WWC2: variants seen among roughly 807,000 people sequenced by gnomAD.
WWC2 encodes WW and C2 domain containing 2, also known as protein WWC2.
WWC2 carries 101 observed loss-of-function variants against 138.5 expected under a neutral mutation model. The ratio of observed to expected loss-of-function variants is 0.73; its 90% CI spans 0.62 to 0.86. The LOEUF (loss-of-function observed/expected upper bound fraction) is 0.86. Ranked by LOEUF, WWC2 falls within the 40% of genes least tolerant of loss-of-function variation. WWC2 has a pLI of 0.00. For missense variants in WWC2, 1,420 were observed against 1,419.4 expected (o/e 1.00, Z -0.01); for synonymous variants, 558 against 538.4 (o/e 1.04, Z -0.50).
chr4:183,232,106 G>A (rs1325050832), intron 4 of WWC2, among the ~76,000 whole-genome samples: 4 of 152,112 alleles, frequency 2.6e-5, no homozygotes, highest in Admixed American at 6.5e-5. Flanking sequence ...ATCTGAAATG[G>A]GAAGCCATTT....
chr4:183,208,782 T>G (rs1405799103), intron 3 of WWC2, among the ~76,000 whole-genome samples, 167 bp from the exon 4 acceptor site: 1 of 152,210 alleles, frequency 6.6e-6, no homozygotes, highest in Non-Finnish European at 1.5e-5. Context: ...GGTAGAGGTT[T>G]GAAGATAACT....
chr4:183,307,965 A>G (rs1739078602), intron 21 of WWC2, among the ~76,000 whole-genome samples: 1 of 152,350 alleles, frequency 6.6e-6, no homozygotes, highest in South Asian at 2.1e-4. Flanking sequence ...AGGCAACCTG[A>G]AAGATTTGAC....
rs1373275941 is a variant in WWC2, at chr4:183,317,560, A to T, written c.*1831A>T. On this transcript the variant is annotated 3_prime_UTR_variant, in exon 23 of 23. Transcript: ENST00000403733. ...GTTTATTTAATGTAGAGGTAAATGAAGGTGAGCTGTTTTCAGCATCTTAGT... is the reference window on the plus strand; with the variant it reads ...GTTTATTTAATGTAGAGGTAAATGATGGTGAGCTGTTTTCAGCATCTTAGT... The T allele has an allele frequency of 6.6e-6, 1 of 152,656 alleles. No homozygotes were observed. Among genetic ancestry groups the T allele is most frequent in the Non-Finnish European group, 1.5e-5 (1 of 68,026 alleles). 9.5% of individuals were successfully genotyped at this position (152,656 alleles called of 1,614,324 possible).
At chr4:183,291,773 T>C (rs1738459775) in intron 21 of WWC2, among the ~76,000 whole-genome samples, 1 of 152,178 alleles carries the variant, frequency 6.6e-6, no homozygotes, top group Admixed American at 6.5e-5. Context: ...TTTTGACTGC[T>C]ATCTAATCTC....
At chr4:183,211,612 GT>G (rs1393055774) in intron 4 of WWC2, among the ~76,000 whole-genome samples, 1 of 152,052 alleles carries the variant, frequency 6.6e-6, no homozygotes. Flanking sequence ...CTCTTGAGGT[GT>G]TTTACCAGGG....
chr4:183,284,542 C>A (rs756611292), intron 19 of WWC2, among the ~76,000 whole-genome samples, 152 bp downstream of exon 19: 1 of 152,202 alleles, frequency 6.6e-6, no homozygotes, highest in Non-Finnish European at 1.5e-5. Flanking sequence ...TAGAATATCA[C>A]GTGCTTATGG....
intron 9 of WWC2, among the ~76,000 whole-genome samples, chr4:183,255,138 A>G (rs1737094920): frequency 6.6e-6 from 1 of 152,206 alleles, no homozygotes; most frequent in South Asian, 2.1e-4. Context: ...AAAACGTATC[A>G]AAAGGAAAAG....
At chr4:183,154,026 A>AAAAAAAAAAAAC (rs1561438959) in intron 1 of WWC2, among the ~76,000 whole-genome samples, 1 of 145,596 alleles carries the variant, frequency 6.9e-6, no homozygotes. Context: ...AAAAAAAAAA[A>AAAAAAAAAAAAC]AACCCCAAAT....
chr4:183,119,698 T>G (rs1263597331), intron 1 of WWC2, among the ~76,000 whole-genome samples: 1 of 152,230 alleles, frequency 6.6e-6, no homozygotes, highest in Non-Finnish European at 1.5e-5. Context: ...AAAACACAGA[T>G]ATAACTTAGG....
chr4:183,284,421 G>A, intron 19 of WWC2, 31 bp downstream of exon 19: 1 of 1,600,810 alleles, frequency 6.2e-7, no homozygotes, highest in Non-Finnish European at 8.5e-7. Flanking sequence ...GTGAGGCGCT[G>A]GGACTGCAGC....
chr4:183,099,404 G>A lies in WWC2; in HGVS notation c.-88G>A. On this transcript the variant is annotated 5_prime_UTR_variant, in exon 1 of 23. Transcript: ENST00000403733. ...CCCCTCGCCGGCGCCCGCGTCGCGG[G>A]TTGGCAGCCTAGCCCGGCAGCCGCG... 8.6e-7 allele frequency: 1 copy of A among 1,163,350 alleles called. No individual in the cohort carries two copies. The highest frequency in any genetic ancestry group is 1.1e-6 in the Non-Finnish European group (1 of 939,154). The allele number at this position is 1,163,350 out of a possible 1,614,324, so 72.1% of individuals were successfully genotyped here. A position where few individuals can be genotyped will look rare whatever the true frequency, so the allele number is the denominator to read the frequency against.
intron 4 of WWC2, among the ~76,000 whole-genome samples, chr4:183,239,932 A>G (rs1736563000): frequency 6.6e-6 from 1 of 152,218 alleles, no homozygotes; most frequent in Admixed American, 6.5e-5. Context: ...GATGATGTCC[A>G]GCTCATAAGA....
chr4:183,119,559 C>T (rs1410883730), intron 1 of WWC2, among the ~76,000 whole-genome samples: 2 of 152,158 alleles, frequency 1.3e-5, no homozygotes, highest in East Asian at 1.9e-4. Context: ...AGCCCCTCCT[C>T]ATATTTACTT....
intron 4 of WWC2, among the ~76,000 whole-genome samples, chr4:183,214,636 T>C (rs1735700509): frequency 6.6e-6 from 1 of 151,744 alleles, no homozygotes; most frequent in South Asian, 2.1e-4. Context: ...CTACTAAAAA[T>C]ACAAAATTAG....
At chr4:183,257,081 G>A (rs990374753) in intron 9 of WWC2, among the ~76,000 whole-genome samples, 6 of 152,182 alleles carry the variant, frequency 3.9e-5, no homozygotes, top group African/African-American at 7.2e-5. Context: ...TGCATCTTTC[G>A]TATTCTTCCC....
intron 1 of WWC2, among the ~76,000 whole-genome samples, chr4:183,157,811 AT>A (rs540177133): frequency 0.12 from 2,079 of 17,944 alleles, 49 homozygotes; most frequent in African/African-American, 0.26. Flanking sequence ...GTGTCACTTA[AT>A]TTTTTTTTTT....
chr4:183,269,132 C>T lies in WWC2; in HGVS notation c.2369C>T (p.Ser790Phe), dbSNP rs1237914404. The change falls in exon 15 of 23, where the codon TCT becomes TTT. Residue 790 changes from serine to phenylalanine, a missense_variant. Physicochemically the swap from Ser to Phe is radical, Grantham distance 155. Transcript: ENST00000403733. ...QQKTLRVDLC[S>F]VSKHRREECL... ...AAGACACTGAGGGTAGACCTTTGCT[C>T]TGTCAGTAAACACCGAAGGGAAGAA... 6.2e-7 allele frequency: 1 copy of T among 1,613,056 alleles called. No individual in the cohort carries two copies. The highest frequency in any genetic ancestry group is 8.5e-7 in the Non-Finnish European group (1 of 1,179,716).
At chr4:183,265,974 A>T (rs1438925147) in intron 14 of WWC2, 23 bp downstream of exon 14, 2 of 1,584,006 alleles carry the variant, frequency 1.3e-6, no homozygotes, top group Non-Finnish European at 1.7e-6. Flanking sequence ...AGCGAAGATC[A>T]AATTGAGGAA....
At chr4:183,112,590 C>G (rs1178437083) in intron 1 of WWC2, among the ~76,000 whole-genome samples, 3 of 152,228 alleles carry the variant, frequency 2.0e-5, no homozygotes, top group Non-Finnish European at 4.4e-5. Flanking sequence ...ATTGGAAACA[C>G]TATATGCCTA....
Sources: allele counts gnomAD v4.1 joint callset (sites outside exome capture counted in the v4.1 genomes callset), GRCh38; gene constraint gnomAD v4.1.1; transcripts MANE v1.5; gene names NCBI Gene and HGNC (gene_info 2026-07-23, HGNC 2026-07-21).